Variants in ETNK1 observed in about 807,000 individuals in gnomAD.
The protein encoded by ETNK1 is putative protein product of Nbla10396.
A neutral mutation model predicts 45.1 loss-of-function variants in ETNK1; 8 were observed. The ratio of observed to expected loss-of-function variants is 0.18; its 90% CI spans 0.10 to 0.32. The LOEUF (loss-of-function observed/expected upper bound fraction) is 0.32. Among genes scored for constraint, ETNK1 ranks in the 10% least tolerant of loss-of-function variants. The pLI is 1.00. For missense variants in ETNK1, 302 were observed against 430.6 expected (o/e 0.70, Z 2.64); for synonymous variants, 152 against 151.9 (o/e 1.00, Z -0.01).
intron 3 of ETNK1, among the ~76,000 whole-genome samples, chr12:22,660,632 T>C (rs1292014726): frequency 6.6e-6 from 1 of 152,162 alleles, no homozygotes; most frequent in Non-Finnish European, 1.5e-5. Flanking sequence ...CCTTTCAACC[T>C]TGAAATATGT....
chr12:22,656,763 G>T (rs987280912), intron 2 of ETNK1: 1 of 981,664 alleles, frequency 1.0e-6, no homozygotes, highest in Non-Finnish European at 1.2e-6. Context: ...TATTAGAAAT[G>T]ATATTATTTT....
intron 3 of ETNK1, 126 bp from the exon 4 acceptor site, chr12:22,660,937 T>C (rs1389238525): frequency 2.7e-6 from 2 of 735,106 alleles, no homozygotes; most frequent in Non-Finnish European, 2.2e-6. Flanking sequence ...GAATAATTGG[T>C]CTGTTGTTTG....
In ETNK1 at chr12:22,676,092, G is replaced by A. The variant is rs546346857; in HGVS notation, c.945+2432G>A. ...TGTTACATAGGTATACATGTGCCAT[G>A]GTGGTTTGCTGCACCCATCAACCTG... On this transcript the variant is annotated intron_variant, in intron 6 of 7. Coordinates refer to ENST00000266517, the MANE Select transcript of ETNK1 (RefSeq NM_018638.5). 4.6e-5 allele frequency among the ~76,000 whole-genome samples: 7 copies of A among 152,242 alleles called. No individual in the cohort carries two copies. In the East Asian group the frequency reaches 1.4e-3, roughly 29 times the overall value.
At chr12:22,668,401 C>T (rs1289352077) in intron 4 of ETNK1, among the ~76,000 whole-genome samples, 2 of 152,160 alleles carry the variant, frequency 1.3e-5, no homozygotes, top group Non-Finnish European at 2.9e-5. Flanking sequence ...TTTGATTTTT[C>T]TGGCACCCTA....
At chr12:22,655,292 T>C (rs1471765408) in intron 2 of ETNK1, among the ~76,000 whole-genome samples, 1 of 150,162 alleles carries the variant, frequency 6.7e-6, no homozygotes, top group Non-Finnish European at 1.5e-5. Context: ...TAGTGTGAAA[T>C]GGCAAGTTAG....
At chr12:22,651,717 C>T (rs1953878789) in intron 2 of ETNK1, among the ~76,000 whole-genome samples, 1 of 141,142 alleles carries the variant, frequency 7.1e-6, no homozygotes, top group Non-Finnish European at 1.5e-5. Flanking sequence ...CAGAGTCTCG[C>T]CATGTCGCCC....
chr12:22,655,506 T>G (rs908092754), intron 2 of ETNK1, among the ~76,000 whole-genome samples: 6 of 151,878 alleles, frequency 4.0e-5, no homozygotes, highest in African/African-American at 1.5e-4. Flanking sequence ...CAGGCTACTT[T>G]TTGTACTTTT....
At chr12:22,655,338 T>C (rs35573073) in intron 2 of ETNK1, among the ~76,000 whole-genome samples, 1 of 143,564 alleles carries the variant, frequency 7.0e-6, no homozygotes, top group South Asian at 2.2e-4. Context: ...GTTTTTTTTT[T>C]TTTTTTTTTT....
At position 22,635,461 on chromosome 12, in the gene ETNK1, T is replaced by C. The variant is rs151237460; in HGVS notation, c.157-8302T>C. Among the ~76,000 whole-genome samples, 80 of 152,364 alleles carry C rather than the reference T, an allele frequency of 5.3e-4. 1 individual carries two copies. In the East Asian group the frequency reaches 0.015, roughly 29 times the overall value. On this transcript the variant is annotated intron_variant, in intron 1 of 7. Coordinates refer to ENST00000266517, the MANE Select transcript of ETNK1 (RefSeq NM_018638.5). ...GTAAGTAAAGCGTTGTTCCATGCAG[T>C]GCTTGACTGTGCATCGTGTTTTCTT...
chr12:22,667,143 A>C (rs1429562844), intron 4 of ETNK1, among the ~76,000 whole-genome samples: 2 of 152,190 alleles, frequency 1.3e-5, no homozygotes, highest in Non-Finnish European at 2.9e-5. Context: ...AAAAACCTGA[A>C]GTTATGAAGA....
chr12:22,664,847 A>G (rs1027992193), intron 4 of ETNK1, among the ~76,000 whole-genome samples: 1 of 152,176 alleles, frequency 6.6e-6, no homozygotes, highest in African/African-American at 2.4e-5. Flanking sequence ...ATACCAATAG[A>G]TAAAACGTAA....
chr12:22,685,384 G>T lies in ETNK1; in HGVS notation c.*430G>T, dbSNP rs776159273. 6.5e-6 allele frequency: 1 copy of T among 152,994 alleles called. No homozygotes were observed. The highest frequency in any genetic ancestry group is 1.5e-5 in the Non-Finnish European group (1 of 68,632). 9.5% of individuals were successfully genotyped at this position (152,994 alleles called of 1,614,324 possible). On this transcript the variant is annotated 3_prime_UTR_variant, in exon 8 of 8. Coordinates refer to ENST00000266517, the MANE Select transcript of ETNK1 (RefSeq NM_018638.5). The stretch of plus-strand genomic sequence containing the variant: ...TTTCAGTAAACATTCTAGTTGTTCA[G>T]TGTAACCTTTTTATCTTGATGCATT...
At chr12:22,625,608 T>TGGGTCTCTTATGCCCC in intron 1 of ETNK1, 22 bp downstream of exon 1, 1 of 1,555,194 alleles carries the variant, frequency 6.4e-7, no homozygotes, top group South Asian at 1.2e-5. Context: ...ACCTCAGCTC[T>TGGGTCTCTTATGCCCC]GGGTCTCTTA....
chr12:22,654,478 T>C (rs534206887), intron 2 of ETNK1, among the ~76,000 whole-genome samples: 10 of 152,332 alleles, frequency 6.6e-5, no homozygotes, highest in African/African-American at 2.4e-4. Context: ...AAATCCAAAA[T>C]AGATTTTAAT....
intron 4 of ETNK1, among the ~76,000 whole-genome samples, chr12:22,663,591 A>G (rs1449264064): frequency 6.6e-6 from 1 of 152,156 alleles, no homozygotes; most frequent in East Asian, 1.9e-4. Flanking sequence ...AGTTATGTGA[A>G]AAGTTCCCAT....
intron 6 of ETNK1, among the ~76,000 whole-genome samples, chr12:22,681,428 G>A (rs1342476672): frequency 2.4e-4 from 37 of 151,964 alleles, no homozygotes; most frequent in Non-Finnish European, 5.9e-5. Context: ...AATTTAGTAG[G>A]AAGAAGAGAT....
chr12:22,644,700 A>T (rs934521613), intron 2 of ETNK1: 1 of 152,600 alleles, frequency 6.6e-6, no homozygotes, highest in Non-Finnish European at 1.5e-5. Context: ...ATATTAAAAC[A>T]AATTTTTTAG....
intron 6 of ETNK1, 140 bp downstream of exon 6, chr12:22,673,800 A>G: frequency 1.2e-6 from 1 of 836,548 alleles, no homozygotes; most frequent in Non-Finnish European, 1.8e-6. Flanking sequence ...GACCATTTAC[A>G]GTATGCATTA....
At chr12:22,650,630 T>G (rs1953862801) in intron 2 of ETNK1, among the ~76,000 whole-genome samples, 2 of 152,064 alleles carry the variant, frequency 1.3e-5, no homozygotes, top group Admixed American at 1.3e-4. Flanking sequence ...ATAATCCCAC[T>G]TGGTCACAGT....
Sources: gnomAD v4.1 joint callset for allele counts (sites outside exome capture counted in the v4.1 genomes callset) on GRCh38, gnomAD v4.1.1 for gene constraint, MANE v1.5 for transcripts, NCBI Gene and HGNC (gene_info 2026-07-23, HGNC 2026-07-21) for gene names.